Variants in ANO3 observed in about 807,000 individuals in gnomAD.
ANO3 encodes anoctamin-3.
A neutral mutation model predicts 144.8 loss-of-function variants in ANO3; 99 were observed. The ratio of observed to expected loss-of-function variants is 0.68; its 90% CI spans 0.58 to 0.81. The LOEUF (loss-of-function observed/expected upper bound fraction) is 0.81. Among genes scored for constraint, ANO3 ranks in the 30% least tolerant of loss-of-function variants. The pLI is 0.00. For missense variants in ANO3, 905 were observed against 1,202.2 expected (o/e 0.75, Z 3.66); for synonymous variants, 414 against 392.6 (o/e 1.05, Z -0.64).
intron 1 of ANO3, among the ~76,000 whole-genome samples, chr11:26,332,652 G>A (rs1030947454): frequency 2.0e-5 from 3 of 151,928 alleles, no homozygotes; most frequent in African/African-American, 7.3e-5. Flanking sequence ...GAGGGGTGAG[G>A]ACAGAAATGT....
chr11:26,419,863 C>T (rs1053024152), intron 1 of ANO3, among the ~76,000 whole-genome samples: 6 of 151,874 alleles, frequency 4.0e-5, no homozygotes, highest in Non-Finnish European at 7.4e-5. Flanking sequence ...AGGAAAGAAA[C>T]AAAACATTCA....
At chr11:26,386,171 C>G (rs777168005) in intron 1 of ANO3, among the ~76,000 whole-genome samples, 1 of 152,018 alleles carries the variant, frequency 6.6e-6, no homozygotes, top group Non-Finnish European at 1.5e-5. Context: ...ACATATAAAA[C>G]GGACACAGGC....
chr11:26,210,499 G>T (rs191032153), intron 1 of ANO3, among the ~76,000 whole-genome samples: 50 of 152,248 alleles, frequency 3.3e-4, no homozygotes, highest in African/African-American at 1.1e-3. Context: ...ATTTAAAGTA[G>T]CTTTTTCCAA....
intron 4 of ANO3, among the ~76,000 whole-genome samples, chr11:26,469,527 A>G (rs913629570): frequency 2.0e-5 from 3 of 152,010 alleles, no homozygotes; most frequent in African/African-American, 7.2e-5. Context: ...AGGTATACTC[A>G]AACTGAATAT....
chr11:26,333,284 CTTTT>C (rs34291798), intron 1 of ANO3, among the ~76,000 whole-genome samples: 2 of 134,418 alleles, frequency 1.5e-5, no homozygotes, highest in Non-Finnish European at 1.6e-5. Context: ...AGCTCTTTGA[CTTTT>C]TTTTTTTTTT....
chr11:26,294,148 T>C (rs1297647846), intron 1 of ANO3, among the ~76,000 whole-genome samples: 1 of 152,108 alleles, frequency 6.6e-6, no homozygotes, highest in Non-Finnish European at 1.5e-5. Context: ...TTGTCCACAA[T>C]TTGGAAATTA....
chr11:26,360,638 A>G (rs1855901042), intron 1 of ANO3, among the ~76,000 whole-genome samples: 1 of 152,096 alleles, frequency 6.6e-6, no homozygotes, highest in Non-Finnish European at 1.5e-5. Context: ...CCAGCTTTCT[A>G]TGGTGAATTA....
chr11:26,395,741 T>C (rs1189054215), intron 1 of ANO3, among the ~76,000 whole-genome samples: 1 of 83,314 alleles, frequency 1.2e-5, no homozygotes, highest in Non-Finnish European at 2.4e-5. Context: ...TGGCTAGCCA[T>C]ATACAGAAAA....
At chr11:26,428,779 T>C (rs1488413131) in intron 1 of ANO3, among the ~76,000 whole-genome samples, 1 of 151,960 alleles carries the variant, frequency 6.6e-6, no homozygotes, top group East Asian at 1.9e-4. Context: ...CTGGGTTCAA[T>C]GAAAAGTGAG....
chr11:26,259,585 G>C (rs1160969187), intron 1 of ANO3, among the ~76,000 whole-genome samples: 1 of 145,228 alleles, frequency 6.9e-6, no homozygotes, highest in Admixed American at 6.9e-5. Flanking sequence ...GGGTGGGGGT[G>C]GGGGGGCAGA....
At chr11:26,274,844 T>A (rs181014157) in intron 1 of ANO3, among the ~76,000 whole-genome samples, 164 of 152,232 alleles carry the variant, frequency 1.1e-3, no homozygotes, top group East Asian at 1.4e-3. Context: ...CTTCTTCAAC[T>A]ATCAATTTAT....
At chr11:26,523,405 G>A (rs975315444) in intron 6 of ANO3, among the ~76,000 whole-genome samples, 1 of 152,154 alleles carries the variant, frequency 6.6e-6, no homozygotes, top group Non-Finnish European at 1.5e-5. Context: ...CTGCAACTTG[G>A]CGCAAGGCAT....
chr11:26,595,632 C>G (rs1037571618), intron 14 of ANO3, among the ~76,000 whole-genome samples: 9 of 151,926 alleles, frequency 5.9e-5, no homozygotes, highest in African/African-American at 2.2e-4. Context: ...TTCTCAATCA[C>G]CCGGGAGGAA....
In ANO3 at chr11:26,463,073, T is replaced by C; in HGVS notation, c.357T>C (p.Ala119=). 6.3e-7 allele frequency: 1 copy of C among 1,597,922 alleles called. No individual in the cohort carries two copies. The highest frequency in any genetic ancestry group is 8.5e-7 in the Non-Finnish European group (1 of 1,172,136). Residue 119 remains alanine, a synonymous_variant, in exon 4 of 27, where the codon GCT becomes GCC. Coordinates refer to ENST00000256737, the MANE Select transcript of ANO3 (RefSeq NM_031418.4). The part of the protein sequence containing the change: ...DKDYTDESEH[A]TYDRSRLIND... ...ATTACACGGATGAATCAGAACACGC[T>C]ACTTATGACCGATCTCGTCTCATTA... is the stretch of plus-strand genomic sequence containing the variant.
chr11:26,233,603 A>T (rs185307528), intron 1 of ANO3, among the ~76,000 whole-genome samples: 134 of 152,338 alleles, frequency 8.8e-4, no homozygotes, highest in African/African-American at 3.2e-3. Context: ...TATATACCCA[A>T]AGGATTATAA....
chr11:26,537,690 A>C (rs1342773626), intron 10 of ANO3, among the ~76,000 whole-genome samples: 2 of 152,022 alleles, frequency 1.3e-5, no homozygotes, highest in Admixed American at 1.3e-4. Flanking sequence ...TAGCGAGAAC[A>C]CTCCTGGACA....
At chr11:26,488,495 A>T (rs1860558440) in intron 4 of ANO3, among the ~76,000 whole-genome samples, 1 of 151,914 alleles carries the variant, frequency 6.6e-6, no homozygotes, top group Non-Finnish European at 1.5e-5. Context: ...AGCTCTTAAA[A>T]ATGGTGTGTC....
At chr11:26,442,571 C>G (rs1040083536) in intron 2 of ANO3, among the ~76,000 whole-genome samples, 1 of 152,182 alleles carries the variant, frequency 6.6e-6, no homozygotes, top group African/African-American at 2.4e-5. Flanking sequence ...CAACCCAAGG[C>G]TGGTGTGCAA....
At chr11:26,319,107 G>T (rs1356700094) in intron 1 of ANO3, among the ~76,000 whole-genome samples, 1 of 151,480 alleles carries the variant, frequency 6.6e-6, no homozygotes, top group African/African-American at 2.4e-5. Context: ...CTCCAACGTA[G>T]CTGGAACTAC....
Sources: allele counts gnomAD v4.1 joint callset (sites outside exome capture counted in the v4.1 genomes callset), GRCh38; gene constraint gnomAD v4.1.1; transcripts MANE v1.5; gene names NCBI Gene and HGNC (gene_info 2026-07-23, HGNC 2026-07-21).